OTUD7A: variants seen among roughly 807,000 people sequenced by gnomAD.
The protein encoded by OTUD7A is OTU domain-containing protein 7A.
Under a neutral mutation model 65.7 loss-of-function variants are expected in OTUD7A, and 12 were observed. The ratio of observed to expected loss-of-function variants is 0.18; its 90% CI spans 0.12 to 0.30. The LOEUF is 0.30. Ranked by LOEUF, OTUD7A falls within the 10% of genes least tolerant of loss-of-function variation. OTUD7A has a pLI of 1.00. For synonymous variants in OTUD7A, 641 were observed against 586.3 expected, an observed-to-expected ratio of 1.09 and a Z score of -1.35; for missense variants, 1,148 against 1,304.8, an observed-to-expected ratio of 0.88 and a Z score of 1.85.
At position 31,665,161 on chromosome 15, in the gene OTUD7A, C is replaced by T. The variant is rs565900674; in HGVS notation, c.-99-8084G>A. Among the ~76,000 whole-genome samples the T allele has an allele frequency of 9.2e-5, 14 of 152,130 alleles. No homozygotes were observed. In the East Asian group the frequency reaches 1.2e-3, roughly 13 times the overall value. On this transcript the variant is annotated intron_variant, in intron 1 of 12. Coordinates refer to ENST00000307050, the MANE Select transcript of OTUD7A (RefSeq NM_001382637.1). ...TGCAGGCTCTTTTTTTGGTTCCATA[C>T]GAATTTTAGAATTGCTGTTTCTAAT...
intron 8 of OTUD7A, among the ~76,000 whole-genome samples, chr15:31,522,625 G>A (rs2041953342): frequency 6.6e-6 from 1 of 152,102 alleles, no homozygotes; most frequent in South Asian, 2.1e-4. Context: ...ACAGCTCATA[G>A]GCCTGCCTGA....
At chr15:31,789,942 A>G (rs1045226598) in intron 1 of OTUD7A, among the ~76,000 whole-genome samples, 1 of 152,166 alleles carries the variant, frequency 6.6e-6, no homozygotes, top group Non-Finnish European at 1.5e-5. Flanking sequence ...CATCACTGCC[A>G]CTGTTATGCA....
At chr15:31,616,143 G>A (rs540694017) in intron 3 of OTUD7A, among the ~76,000 whole-genome samples, 1 of 152,342 alleles carries the variant, frequency 6.6e-6, no homozygotes, top group Admixed American at 6.5e-5. Context: ...AACTCATGCA[G>A]CACTCCATCC....
At chr15:31,826,100 T>C (rs1896791274) in intron 1 of OTUD7A, among the ~76,000 whole-genome samples, 1 of 152,210 alleles carries the variant, frequency 6.6e-6, no homozygotes, top group African/African-American at 2.4e-5. Flanking sequence ...GTCTGGAAGA[T>C]GGTGGCTCTC....
intron 1 of OTUD7A, among the ~76,000 whole-genome samples, chr15:31,719,592 C>T (rs540165161): frequency 6.6e-6 from 1 of 152,294 alleles, no homozygotes; most frequent in Non-Finnish European, 1.5e-5. Context: ...ACCGTCATTC[C>T]TCCCTTGCAA....
chr15:31,477,787 T>C lies in OTUD7A; in HGVS notation c.*5507A>G, dbSNP rs1049152793. The C allele has an allele frequency of 4.0e-5, 6 of 149,060 alleles. No individual in the cohort carries two copies. The highest frequency in any genetic ancestry group is 1.2e-4 in the African/African-American group (5 of 40,412). The allele number at this position is 149,060 out of a possible 1,614,324, so 9.2% of individuals were successfully genotyped here. A position where few individuals can be genotyped will look rare whatever the true frequency, so the allele number is the denominator to read the frequency against. On this transcript the variant is annotated 3_prime_UTR_variant, in exon 13 of 13. Coordinates refer to ENST00000307050, the MANE Select transcript of OTUD7A (RefSeq NM_001382637.1). ...CTGCCCACATGGAGCTTACAGTCTATGGGAGATGGGGAGGCGAGAATCAAA... is the reference window on the plus strand; with the variant it reads ...CTGCCCACATGGAGCTTACAGTCTACGGGAGATGGGGAGGCGAGAATCAAA...
intron 5 of OTUD7A, among the ~76,000 whole-genome samples, chr15:31,542,778 T>C (rs1005391590): frequency 1.3e-5 from 2 of 150,746 alleles, no homozygotes; most frequent in African/African-American, 2.4e-5. Context: ...AAAGGAGTGA[T>C]AGACTGACAG....
chr15:31,559,780 C>T (rs1434963566), intron 4 of OTUD7A, among the ~76,000 whole-genome samples: 2 of 152,194 alleles, frequency 1.3e-5, no homozygotes, highest in Non-Finnish European at 2.9e-5. Flanking sequence ...ACACACAGCG[C>T]ACATACATGT....
chr15:31,811,657 T>C (rs893931959), intron 1 of OTUD7A, among the ~76,000 whole-genome samples: 1 of 152,090 alleles, frequency 6.6e-6, no homozygotes, highest in African/African-American at 2.4e-5. Context: ...CTCCGGGTGC[T>C]GGTTAAAGGG....
chr15:31,748,384 C>A (rs536262509), intron 1 of OTUD7A, among the ~76,000 whole-genome samples: 2 of 151,216 alleles, frequency 1.3e-5, no homozygotes, highest in Non-Finnish European at 2.9e-5. Flanking sequence ...CCTATATATA[C>A]ACAAACACAC....
At chr15:31,638,556 G>GT (rs1489087594) in intron 3 of OTUD7A, among the ~76,000 whole-genome samples, 15 of 141,280 alleles carry the variant, frequency 1.1e-4, no homozygotes, top group African/African-American at 4.0e-4. Context: ...ATTTTTGTAG[G>GT]TTTTTGTTTT....
At chr15:31,798,058 T>C (rs35474301) in intron 1 of OTUD7A, among the ~76,000 whole-genome samples, 87,778 of 151,948 alleles carry the variant, frequency 0.58, 25,749 homozygotes, top group East Asian at 0.7. Flanking sequence ...GTGACTGATA[T>C]CTTCTTATAA....
chr15:31,622,595 G>GTA (rs1890825550), intron 3 of OTUD7A, among the ~76,000 whole-genome samples: 1 of 152,168 alleles, frequency 6.6e-6, no homozygotes, highest in Non-Finnish European at 1.5e-5. Flanking sequence ...TAGTTCTCAT[G>GTA]CCATGGTTTT....
Position 31,827,101 on chromosome 15 carries a change from G to A in OTUD7A, c.-100+43406C>T, listed in dbSNP as rs114218632. On this transcript the variant is annotated intron_variant, in intron 1 of 12. Transcript: ENST00000307050. Reference sequence around the variant, plus strand: ...TCCAAAGTTGCTTTCACATTTTCACGTATCTTTTCAGCAACATCCCACTCT... The same window carrying A: ...TCCAAAGTTGCTTTCACATTTTCACATATCTTTTCAGCAACATCCCACTCT... 6.4e-3 allele frequency among the ~76,000 whole-genome samples: 981 copies of A among 152,234 alleles called. 12 individuals are homozygous for A. The highest frequency in any genetic ancestry group is 0.023 in the African/African-American group (946 of 41,532).
rs140976196 is a variant in OTUD7A, at chr15:31,711,354, G to A, written c.-99-54277C>T. On this transcript the variant is annotated intron_variant, in intron 1 of 12. Coordinates refer to ENST00000307050, the MANE Select transcript of OTUD7A (RefSeq NM_001382637.1). Reference sequence around the variant, plus strand: ...TCTGTATTTGTCATATTCTTTTCCCGGTTCTGTTCTGTCTCCCAGGATGCA... The same window carrying A: ...TCTGTATTTGTCATATTCTTTTCCCAGTTCTGTTCTGTCTCCCAGGATGCA... Among the ~76,000 whole-genome samples, 882 of 151,646 alleles carry A rather than the reference G, an allele frequency of 5.8e-3. 8 individuals are homozygous for A. The highest frequency in any genetic ancestry group is 0.02 in the African/African-American group (813 of 41,082).
intron 3 of OTUD7A, among the ~76,000 whole-genome samples, chr15:31,593,728 T>C (rs1015283642): frequency 6.6e-6 from 1 of 152,108 alleles, no homozygotes; most frequent in African/African-American, 2.4e-5. Context: ...AAATATATAA[T>C]TTCATTTCAA....
chr15:31,608,824 C>T (rs1180605195), intron 3 of OTUD7A, among the ~76,000 whole-genome samples: 2 of 152,166 alleles, frequency 1.3e-5, no homozygotes, highest in East Asian at 3.8e-4. Flanking sequence ...ATTTTAGATC[C>T]AGAATGACTG....
At chr15:31,542,605 A>G (rs1330077409) in intron 5 of OTUD7A, among the ~76,000 whole-genome samples, 3 of 152,020 alleles carry the variant, frequency 2.0e-5, no homozygotes, top group Non-Finnish European at 4.4e-5. Context: ...AGGATTTTCC[A>G]AAATATGTAA....
chr15:31,662,254 C>A (rs1056674466), intron 1 of OTUD7A, among the ~76,000 whole-genome samples: 1 of 152,216 alleles, frequency 6.6e-6, no homozygotes, highest in Non-Finnish European at 1.5e-5. Context: ...TTCTACTAAT[C>A]TACTATTTGG....
Sources: gnomAD v4.1 joint callset for allele counts (sites outside exome capture counted in the v4.1 genomes callset) on GRCh38, gnomAD v4.1.1 for gene constraint, MANE v1.5 for transcripts, NCBI Gene and HGNC (gene_info 2026-07-23, HGNC 2026-07-21) for gene names.